The following ANO4 variants were observed in gnomAD, a reference collection of about 807,000 sequenced individuals.
ANO4 encodes anoctamin 4, also known as anoctamin-4.
In ANO4, 69 loss-of-function variants were observed where a neutral mutation model predicts 141.9. The observed-to-expected ratio is 0.49, with a 90% CI of 0.40 to 0.59. The LOEUF is 0.59. ANO4 is among the 20% of genes least tolerant of loss of function. The pLI is 0.00. For synonymous variants in ANO4, 350 were observed against 394.3 expected, an observed-to-expected ratio of 0.89 and a Z score of 1.33; for missense variants, 894 against 1,162.2, an observed-to-expected ratio of 0.77 and a Z score of 3.36.
intron 1 of ANO4, among the ~76,000 whole-genome samples, chr12:100,815,117 T>G (rs1329490403): frequency 6.6e-6 from 1 of 152,096 alleles, no homozygotes; most frequent in Non-Finnish European, 1.5e-5. Flanking sequence ...GGGGAATGGT[T>G]ATCAGTTACC....
chr12:101,074,322 GC>G (rs2048940657), intron 14 of ANO4, among the ~76,000 whole-genome samples: 1 of 152,178 alleles, frequency 6.6e-6, no homozygotes, highest in Admixed American at 6.5e-5. Context: ...TAACCCCAGA[GC>G]CTGTCATCAC....
chr12:101,127,745 T>G (rs2051381913), intron 27 of ANO4, 116 bp from the exon 28 acceptor site: 1 of 152,748 alleles, frequency 6.5e-6, no homozygotes, highest in Admixed American at 6.5e-5. Context: ...TGACTCCATT[T>G]GGGGTTACAA....
chr12:100,786,042 T>C (rs2033864518), intron 3 of ANO4, among the ~76,000 whole-genome samples: 1 of 152,134 alleles, frequency 6.6e-6, no homozygotes, highest in African/African-American at 2.4e-5. Flanking sequence ...TAATAGAACT[T>C]GAAATTGGTT....
At chr12:100,809,442 G>C (rs960161812) in intron 1 of ANO4, among the ~76,000 whole-genome samples, 3 of 152,020 alleles carry the variant, frequency 2.0e-5, no homozygotes, top group African/African-American at 7.2e-5. Context: ...GGCAGAGTTG[G>C]AACATGGAGT....
chr12:101,124,413 A>G (rs1241062128), intron 26 of ANO4, among the ~76,000 whole-genome samples: 1 of 152,030 alleles, frequency 6.6e-6, no homozygotes, highest in East Asian at 1.9e-4. Context: ...CTCCCATTCT[A>G]TAGGTTACTG....
chr12:101,001,057 G>C (rs903012059), intron 8 of ANO4, among the ~76,000 whole-genome samples: 1 of 151,788 alleles, frequency 6.6e-6, no homozygotes, highest in Non-Finnish European at 1.5e-5. Context: ...GTATATTTAT[G>C]TGTGCATGTA....
At chr12:101,072,777 T>TTC in intron 14 of ANO4, among the ~76,000 whole-genome samples, 1 of 151,882 alleles carries the variant, frequency 6.6e-6, no homozygotes, top group Non-Finnish European at 1.5e-5. Context: ...GGGCAAAGGA[T>TTC]ATGAATAGAC....
At chr12:101,061,455 G>C (rs1470208836) in intron 14 of ANO4, among the ~76,000 whole-genome samples, 1 of 151,964 alleles carries the variant, frequency 6.6e-6, no homozygotes, top group East Asian at 1.9e-4. Context: ...AAGTTCTCCT[G>C]GATAATATCC....
chr12:100,869,153 G>A (rs1025383645), intron 1 of ANO4, among the ~76,000 whole-genome samples: 3 of 152,232 alleles, frequency 2.0e-5, no homozygotes, highest in Admixed American at 2.0e-4. Context: ...TATCCCATGA[G>A]TGAATTTAAT....
chr12:100,858,962 G>T (rs929424867), intron 1 of ANO4: 26 of 152,160 alleles, frequency 1.7e-4, no homozygotes, highest in Admixed American at 1.4e-3. Context: ...TATGTATCTG[G>T]ATTTTTATCT....
chr12:100,948,254 T>C (rs964838102), intron 5 of ANO4, among the ~76,000 whole-genome samples: 1 of 149,064 alleles, frequency 6.7e-6, no homozygotes, highest in Non-Finnish European at 1.5e-5. Context: ...TTGGGATGAA[T>C]AATGAAGTTG....
At chr12:101,106,573 GTATATA>G (rs56808655) in intron 22 of ANO4, among the ~76,000 whole-genome samples, 1 of 138,600 alleles carries the variant, frequency 7.2e-6, no homozygotes, top group Admixed American at 7.2e-5. Context: ...GTGTGTGTGT[GTATATA>G]TATATATATA....
chr12:101,061,304 G>A (rs999606963), intron 14 of ANO4, among the ~76,000 whole-genome samples: 2 of 151,792 alleles, frequency 1.3e-5, no homozygotes, highest in African/African-American at 4.8e-5. Context: ...CTCTCTGGCT[G>A]CCCTTAACAC....
intron 13 of ANO4, chr12:101,048,067 G>A (rs1863348092): frequency 8.4e-7 from 1 of 1,188,624 alleles, no homozygotes; most frequent in Non-Finnish European, 1.1e-6. Context: ...TGCACAAAAG[G>A]GGATTCTTAG....
At chr12:100,975,411 T>TTTTC (rs887893846) in intron 7 of ANO4, among the ~76,000 whole-genome samples, 16 of 149,814 alleles carry the variant, frequency 1.1e-4, no homozygotes, top group African/African-American at 2.2e-4. Context: ...TCTTTTTTCT[T>TTTTC]TTTCTTTCTT....
At chr12:100,863,644 C>T (rs1481761785) in intron 1 of ANO4, among the ~76,000 whole-genome samples, 1 of 152,006 alleles carries the variant, frequency 6.6e-6, no homozygotes, top group Non-Finnish European at 1.5e-5. Flanking sequence ...ATTATATATT[C>T]ATTATGTACA....
At position 100,913,906 on chromosome 12, in the gene ANO4, A is replaced by G. The variant is rs191631401; in HGVS notation, c.56-8320A>G. Among the ~76,000 whole-genome samples, 474 of 152,290 alleles carry G rather than the reference A, an allele frequency of 3.1e-3. 5 individuals are homozygous for G. Among genetic ancestry groups the G allele is most frequent in the African/African-American group, 0.011 (460 of 41,558 alleles). ...TTCTCATATTTATCTCAAGCCCTTC[A>G]TGTATAAAGACTTATTCAAGACAAA... On this transcript the variant is annotated intron_variant, in intron 2 of 27. Coordinates refer to ENST00000392977, the MANE Select transcript of ANO4 (RefSeq NM_001286615.2).
intron 3 of ANO4, among the ~76,000 whole-genome samples, chr12:100,774,771 G>A (rs531860892): frequency 2.0e-4 from 30 of 152,296 alleles, no homozygotes; most frequent in African/African-American, 6.5e-4. Flanking sequence ...GAAACTTTTG[G>A]CTTTAATTCT....
intron 2 of ANO4, among the ~76,000 whole-genome samples, chr12:100,915,595 G>T (rs553279243): frequency 1.2e-3 from 177 of 152,226 alleles, no homozygotes; most frequent in Non-Finnish European, 2.0e-3. Context: ...CAGGTTACAA[G>T]ATTTTTAAAG....
Sources: allele counts gnomAD v4.1 joint callset (sites outside exome capture counted in the v4.1 genomes callset), GRCh38; gene constraint gnomAD v4.1.1; transcripts MANE v1.5; gene names NCBI Gene and HGNC (gene_info 2026-07-23, HGNC 2026-07-21).